PPP1R9A: variants seen among roughly 807,000 people sequenced by gnomAD.
The protein encoded by PPP1R9A is protein phosphatase 1 regulatory subunit 9A.
A neutral mutation model predicts 141.9 loss-of-function variants in PPP1R9A; 59 were observed. That is an observed-to-expected ratio of 0.42 (90% CI 0.34 to 0.52). The LOEUF is 0.52. PPP1R9A is among the 20% of genes least tolerant of loss of function. PPP1R9A has a pLI of 0.10. For synonymous variants in PPP1R9A, 500 were observed against 569.7 expected (o/e 0.88, Z 1.74); for missense variants, 1,444 against 1,611.9 (o/e 0.90, Z 1.78).
chr7:95,184,834 A>G (rs1382831182), intron 5 of PPP1R9A, among the ~76,000 whole-genome samples: 1 of 152,036 alleles, frequency 6.6e-6, no homozygotes, highest in Non-Finnish European at 1.5e-5. Context: ...TCCATGCTGT[A>G]TATATATGTA....
At chr7:94,949,933 CTT>C (rs368003225) in intron 2 of PPP1R9A, among the ~76,000 whole-genome samples, 8 of 142,618 alleles carry the variant, frequency 5.6e-5, no homozygotes, top group Non-Finnish European at 1.2e-4. Flanking sequence ...TGAATGGTCA[CTT>C]TTTTTTTGAA....
chr7:95,100,891 C>T (rs1200688844), intron 2 of PPP1R9A, among the ~76,000 whole-genome samples: 2 of 130,880 alleles, frequency 1.5e-5, no homozygotes, highest in African/African-American at 3.0e-5. Context: ...CTCGCTCTGT[C>T]GCCCAGGCTG....
chr7:95,183,294 C>G (rs755409893), intron 5 of PPP1R9A, among the ~76,000 whole-genome samples: 1 of 151,562 alleles, frequency 6.6e-6, no homozygotes, highest in Middle Eastern at 3.2e-3. Flanking sequence ...CTCACCACCA[C>G]GCCTGGCTAA....
chr7:95,171,677 G>A (rs1051522728), intron 5 of PPP1R9A, among the ~76,000 whole-genome samples: 1 of 151,604 alleles, frequency 6.6e-6, no homozygotes, highest in Non-Finnish European at 1.5e-5. Context: ...ACATGAAGAT[G>A]AGTTTAGATT....
chr7:95,027,610 A>G (rs1475156842), intron 2 of PPP1R9A, among the ~76,000 whole-genome samples: 2 of 152,156 alleles, frequency 1.3e-5, no homozygotes, highest in Non-Finnish European at 2.9e-5. Context: ...GTTCTGAGAG[A>G]TGCTTCAAGG....
intron 4 of PPP1R9A, among the ~76,000 whole-genome samples, chr7:95,130,255 GA>G (rs1489534745): frequency 5.3e-5 from 8 of 152,188 alleles, no homozygotes; most frequent in African/African-American, 1.7e-4. Context: ...AGCCTTGGCT[GA>G]AAGGGGCCAA....
chr7:95,128,741 T>C (rs540540194), intron 4 of PPP1R9A, among the ~76,000 whole-genome samples: 6 of 152,192 alleles, frequency 3.9e-5, no homozygotes, highest in African/African-American at 4.8e-5. Flanking sequence ...CACGCCTGGC[T>C]AATTTTTGTA....
At chr7:95,132,960 C>T (rs779117875) in intron 4 of PPP1R9A, among the ~76,000 whole-genome samples, 20 of 152,132 alleles carry the variant, frequency 1.3e-4, no homozygotes, top group Non-Finnish European at 1.8e-4. Flanking sequence ...TGTTACAGAT[C>T]GTTTGCTCCT....
At chr7:95,053,273 A>G (rs796287419) in intron 2 of PPP1R9A, among the ~76,000 whole-genome samples, 21 of 152,286 alleles carry the variant, frequency 1.4e-4, no homozygotes, top group African/African-American at 5.1e-4. Flanking sequence ...ATGTAATAGA[A>G]ATGGGTTATG....
chr7:95,145,254 G>A (rs1422711627), intron 4 of PPP1R9A, among the ~76,000 whole-genome samples: 2 of 152,142 alleles, frequency 1.3e-5, no homozygotes, highest in African/African-American at 4.8e-5. Flanking sequence ...ACAAGTAGAA[G>A]AGCTAAGATA....
chr7:95,097,995 C>T (rs1818266893), intron 2 of PPP1R9A, among the ~76,000 whole-genome samples: 2 of 152,226 alleles, frequency 1.3e-5, no homozygotes, highest in South Asian at 4.1e-4. Context: ...GCTGCTGTCA[C>T]AGGCAGAATT....
chr7:94,962,172 A>G (rs1468735064), intron 2 of PPP1R9A, among the ~76,000 whole-genome samples: 2 of 151,966 alleles, frequency 1.3e-5, no homozygotes, highest in African/African-American at 4.8e-5. Context: ...GTTTATGTCT[A>G]ATCCATCCTC....
At chr7:94,935,646 TA>T (rs1342019995) in intron 2 of PPP1R9A, among the ~76,000 whole-genome samples, 2 of 152,242 alleles carry the variant, frequency 1.3e-5, no homozygotes, top group African/African-American at 2.4e-5. Context: ...TTGCGTTTCA[TA>T]AGTTCAGTTC....
At position 94,910,060 on chromosome 7, in the gene PPP1R9A, T is replaced by C. The variant is rs561632257; in HGVS notation, c.-54T>C. 4 of 1,500,958 alleles carry C rather than the reference T, an allele frequency of 2.7e-6. No individual in the cohort carries two copies. In the South Asian group the frequency reaches 5.2e-5, roughly 19 times the overall value. 93.0% of individuals were successfully genotyped at this position (1,500,958 alleles called of 1,614,324 possible). Reference sequence around the variant, plus strand: ...TTAGAGAAGAGAGGTATCTTGGTTTTTGGTTTTTTTCTTTGATCATTATGA... The same window carrying C: ...TTAGAGAAGAGAGGTATCTTGGTTTCTGGTTTTTTTCTTTGATCATTATGA... On this transcript the variant is annotated 5_prime_UTR_variant, in exon 2 of 20. Transcript: ENST00000433360. This position sits in a 1 kb window ranked among gnomAD's most constrained non-coding sequence, Gnocchi z 4.5.
intron 2 of PPP1R9A, among the ~76,000 whole-genome samples, chr7:94,974,274 C>T (rs538268900): frequency 6.7e-4 from 102 of 152,166 alleles, no homozygotes; most frequent in African/African-American, 2.2e-3. Context: ...AAGGCAGTCT[C>T]GGCATTTCTG....
intron 8 of PPP1R9A, among the ~76,000 whole-genome samples, chr7:95,243,568 G>T (rs1797742687): frequency 1.3e-5 from 2 of 152,104 alleles, no homozygotes; most frequent in Admixed American, 1.3e-4. Flanking sequence ...TTATGATGAT[G>T]ACATATGGCT....
intron 2 of PPP1R9A, among the ~76,000 whole-genome samples, chr7:94,996,909 T>G (rs1383228666): frequency 6.6e-6 from 1 of 151,136 alleles, no homozygotes; most frequent in Non-Finnish European, 1.5e-5. Context: ...TTCAAGCAAT[T>G]CCCCTGCCCC....
chr7:95,144,394 C>T (rs781164107), intron 4 of PPP1R9A, among the ~76,000 whole-genome samples: 17 of 151,972 alleles, frequency 1.1e-4, no homozygotes, highest in Non-Finnish European at 2.4e-4. Context: ...TCCATTTATC[C>T]ATCAACAGAC....
chr7:95,284,555 A>C (rs1434127718), intron 17 of PPP1R9A, among the ~76,000 whole-genome samples: 1 of 152,204 alleles, frequency 6.6e-6, no homozygotes, highest in Non-Finnish European at 1.5e-5. Context: ...TTTACCCAGT[A>C]TTCTACTTTA....
Sources: gnomAD v4.1 joint callset for allele counts (sites outside exome capture counted in the v4.1 genomes callset) on GRCh38, gnomAD v4.1.1 for gene constraint, Gnocchi (gnomAD v3.1) non-coding constraint, MANE v1.5 for transcripts, NCBI Gene and HGNC (gene_info 2026-07-23, HGNC 2026-07-21) for gene names.